The following PRAG1 variants were observed in gnomAD, a reference collection of about 807,000 sequenced individuals.
PRAG1 encodes the protein inactive tyrosine-protein kinase PRAG1.
A neutral mutation model predicts 95.6 loss-of-function variants in PRAG1; 110 were observed. That is an observed-to-expected ratio of 1.15 (90% CI 0.99 to 1.35). The LOEUF is 1.35. PRAG1 is among the 40% of genes most tolerant of loss of function. The pLI is 0.00. For missense variants in PRAG1, 2,554 were observed against 1,864.7 expected, an observed-to-expected ratio of 1.37 and a Z score of -6.81; for synonymous variants, 1,052 against 819.4, an observed-to-expected ratio of 1.28 and a Z score of -4.85.
intron 3 of PRAG1, among the ~76,000 whole-genome samples, chr8:8,363,211 ACTTATGACTTATTC>A (rs1385617292): frequency 6.6e-6 from 1 of 151,816 alleles, no homozygotes; most frequent in African/African-American, 2.4e-5. Flanking sequence ...TACTTCTAAC[ACTTATGACTTATTC>A]CTTAATAAAA....
At chr8:8,360,892 T>C (rs1799824636) in intron 3 of PRAG1, among the ~76,000 whole-genome samples, 1 of 152,240 alleles carries the variant, frequency 6.6e-6, no homozygotes, top group East Asian at 1.9e-4. Flanking sequence ...CTGCGGTTCC[T>C]GAGCAGGGAA....
intron 3 of PRAG1, among the ~76,000 whole-genome samples, chr8:8,361,402 C>T (rs544996040): frequency 7.2e-5 from 11 of 152,162 alleles, no homozygotes; most frequent in Non-Finnish European, 1.2e-4. Context: ...GGTCTGGGAT[C>T]GGGTCCGGAA....
At chr8:8,321,387 C>T (rs2117098778) in intron 5 of PRAG1, among the ~76,000 whole-genome samples, 1 of 152,306 alleles carries the variant, frequency 6.6e-6, no homozygotes, top group South Asian at 2.1e-4. Flanking sequence ...GCCTGGCCTG[C>T]ACTTGGTTTT....
rs1366943733 is a variant in PRAG1 at position 8,321,328 on chromosome 8, TC to T, written c.3073-2027del. On this transcript the variant is annotated intron_variant, in intron 5 of 5. Transcript: ENST00000615670. ...TTGAACTCCTGGGCTCAAGTGATCC[TC>T]CCACCTCGGCCTCCCAAAGTGCTGG... Among the ~76,000 whole-genome samples the T allele has an allele frequency of 2.6e-5, 4 of 152,286 alleles. No homozygotes were observed. The East Asian group carries it at 5.8e-4, about 22-fold the overall frequency.
intron 3 of PRAG1, among the ~76,000 whole-genome samples, chr8:8,357,231 A>G (rs1002668053): frequency 6.6e-6 from 1 of 152,238 alleles, no homozygotes; most frequent in African/African-American, 2.4e-5. Flanking sequence ...GACATAATCA[A>G]TAGAGTGAAA....
intron 3 of PRAG1, among the ~76,000 whole-genome samples, chr8:8,345,645 A>C (rs1430298335): frequency 1.3e-5 from 2 of 152,046 alleles, no homozygotes; most frequent in Admixed American, 6.6e-5. Flanking sequence ...AAACCAAAAA[A>C]TTAGCCAAGC....
chr8:8,378,064 T>C lies in PRAG1; in HGVS notation c.345A>G (p.Arg115=), dbSNP rs1328001833. ...TCGGGAGGGGGAGCTTGCCAGGGGC[T>C]CGTCTCCAGATGACCTACACACAAG... ...SAEVSQVIWR[R]APGKLPLPKQ... is the part of the protein sequence containing the mutation. Residue 115 remains arginine, a synonymous_variant, in exon 3 of 6, where the codon CGA becomes CGG. Coordinates refer to ENST00000615670, the MANE Select transcript of PRAG1 (RefSeq NM_001080826.3). 6.5e-7 allele frequency: 1 copy of C among 1,539,250 alleles called. No homozygotes were observed. Among genetic ancestry groups the C allele is most frequent in the Non-Finnish European group, 8.7e-7 (1 of 1,144,526 alleles).
chr8:8,381,750 T>A lies in PRAG1; in HGVS notation c.-3A>T, dbSNP rs1157280025. On this transcript the variant is annotated 5_prime_UTR_variant, in exon 2 of 6. Transcript: ENST00000615670. ...TTCAGGCAGAGGGTCTGGTGCATCT[T>A]GAGCCGACAGGGTGCTGGTTCATCT... is the stretch of plus-strand genomic sequence containing the variant. 6.4e-7 allele frequency: 1 copy of A among 1,572,412 alleles called. No individual in the cohort carries two copies.
At position 8,377,522 on chromosome 8, in the gene PRAG1, C is replaced by A. The variant is rs1800459609; in HGVS notation, c.887G>T (p.Gly296Val). 6 of 1,577,556 alleles carry A rather than the reference C, an allele frequency of 3.8e-6. No individual in the cohort carries two copies. In the African/African-American group the frequency reaches 6.7e-5, roughly 18 times the overall value. ...PTCWEQGKCS[G>V]PAEQEKRGPS... Reference sequence around the variant, plus strand: ...GCCCCGCTTCTCCTGCTCTGCGGGCCCGGAACACTTCCCCTGCTCCCAGCA... The same window carrying A: ...GCCCCGCTTCTCCTGCTCTGCGGGCACGGAACACTTCCCCTGCTCCCAGCA... The change falls in exon 3 of 6, where the codon GGG becomes GTG. Residue 296 changes from glycine (G) to valine (V), a missense_variant. Gly to Val is a moderately radical substitution (Grantham distance 109). Transcript: ENST00000615670.
chr8:8,373,130 G>A (rs997879694), intron 3 of PRAG1, among the ~76,000 whole-genome samples: 4 of 152,156 alleles, frequency 2.6e-5, no homozygotes, highest in African/African-American at 9.7e-5. Flanking sequence ...ATAATTACCA[G>A]TGTGTACTGG....
chr8:8,327,720 T>C lies in PRAG1; in HGVS notation c.3062A>G (p.Tyr1021Cys), dbSNP rs1295656543. The change falls in exon 5 of 6, where the codon TAT (tyrosine) becomes TGT (cysteine). Residue 1021 changes from tyrosine to cysteine, a missense_variant. Tyr to Cys is a radical substitution (Grantham distance 194). Coordinates refer to ENST00000615670, the MANE Select transcript of PRAG1 (RefSeq NM_001080826.3). ...GGGAGTGGTACCTACTTTCACAGCA[T>C]AGGTGCTGCCGGGGTCCTCAGAGCA... The part of the protein sequence containing the change: ...ATCSEDPGST[Y>C]AVKICKAPEP... 4 of 1,612,252 alleles carry C rather than the reference T, an allele frequency of 2.5e-6. No individual in the cohort carries two copies. The highest frequency in any genetic ancestry group is 3.4e-6 in the Non-Finnish European group (4 of 1,178,878).
intron 3 of PRAG1, among the ~76,000 whole-genome samples, chr8:8,348,130 T>G (rs916871621): frequency 2.6e-5 from 4 of 152,228 alleles, no homozygotes; most frequent in African/African-American, 4.8e-5. Flanking sequence ...TTGGCTAGGC[T>G]GGTCCCGAAC....
intron 3 of PRAG1, among the ~76,000 whole-genome samples, chr8:8,360,831 T>C (rs1799821631): frequency 6.6e-6 from 1 of 152,202 alleles, no homozygotes; most frequent in Admixed American, 6.5e-5. Flanking sequence ...TGATTATTAT[T>C]TCCCTTAAAT....
At chr8:8,375,664 T>G (rs2116930092) in intron 3 of PRAG1, among the ~76,000 whole-genome samples, 1 of 152,254 alleles carries the variant, frequency 6.6e-6, no homozygotes, top group South Asian at 2.1e-4. Context: ...TTAAAAAAAT[T>G]TTTTTTAACT....
chr8:8,385,782 G>A (rs1268233789), intron 1 of PRAG1, among the ~76,000 whole-genome samples: 3 of 152,020 alleles, frequency 2.0e-5, no homozygotes, highest in Non-Finnish European at 4.4e-5. Flanking sequence ...TTAATAACGT[G>A]CTCACAGCAT....
At chr8:8,352,832 G>C (rs978331345) in intron 3 of PRAG1, among the ~76,000 whole-genome samples, 1 of 152,016 alleles carries the variant, frequency 6.6e-6, no homozygotes, top group Non-Finnish European at 1.5e-5. Flanking sequence ...ATCCATTTTA[G>C]CTTTAAGGGC....
intron 3 of PRAG1, among the ~76,000 whole-genome samples, chr8:8,360,758 C>T (rs1799819103): frequency 6.6e-6 from 1 of 152,192 alleles, no homozygotes; most frequent in South Asian, 2.1e-4. Context: ...TCATCCTTTT[C>T]TTGTTGTATG....
At chr8:8,361,288 T>C (rs1799838727) in intron 3 of PRAG1, among the ~76,000 whole-genome samples, 1 of 152,154 alleles carries the variant, frequency 6.6e-6, no homozygotes, top group African/African-American at 2.4e-5. Context: ...CTGAAGTCCT[T>C]TCTTTAAGGA....
intron 5 of PRAG1, among the ~76,000 whole-genome samples, chr8:8,324,137 G>A (rs1798558121): frequency 6.6e-6 from 1 of 152,214 alleles, no homozygotes; most frequent in Non-Finnish European, 1.5e-5. Context: ...TGCCATCTCG[G>A]CTGTAGCCCT....
Sources: gnomAD v4.1 joint callset for allele counts (sites outside exome capture counted in the v4.1 genomes callset) on GRCh38, gnomAD v4.1.1 for gene constraint, MANE v1.5 for transcripts, NCBI Gene and HGNC (gene_info 2026-07-23, HGNC 2026-07-21) for gene names.